The following CNTN5 variants were observed in gnomAD, a reference collection of about 807,000 sequenced individuals.
CNTN5 encodes contactin-5.
CNTN5 carries 77 observed loss-of-function variants against 129.1 expected under a neutral mutation model. The observed-to-expected ratio is 0.60, with a 90% CI of 0.50 to 0.72. CNTN5 has a LOEUF of 0.72. Ranked by LOEUF, CNTN5 falls within the 30% of genes least tolerant of loss-of-function variation. The probability of loss-of-function intolerance (pLI) is 0.00; values close to 1 mark genes in which losing one functional copy is unlikely to be tolerated. For missense variants in CNTN5, 1,478 were observed against 1,328.8 expected (o/e 1.11, Z -1.75); for synonymous variants, 509 against 465.6 (o/e 1.09, Z -1.20).
chr11:99,377,416 C>A (rs1940250682), intron 2 of CNTN5, among the ~76,000 whole-genome samples: 1 of 151,734 alleles, frequency 6.6e-6, no homozygotes, highest in African/African-American at 2.4e-5. Flanking sequence ...TTTGTTATTT[C>A]TTTTGTATTT....
At chr11:99,132,719 A>C (rs1268610597) in intron 1 of CNTN5, among the ~76,000 whole-genome samples, 1 of 152,152 alleles carries the variant, frequency 6.6e-6, no homozygotes, top group Non-Finnish European at 1.5e-5. Flanking sequence ...ACCTCTTCAA[A>C]GAGAACTGCA....
chr11:100,316,462 A>G (rs1259033003), intron 21 of CNTN5, among the ~76,000 whole-genome samples: 3 of 152,186 alleles, frequency 2.0e-5, no homozygotes, highest in Non-Finnish European at 4.4e-5. Flanking sequence ...TCTCGTGTCT[A>G]TAATTACCCC....
At chr11:100,160,338 G>T (rs111677020) in intron 13 of CNTN5, among the ~76,000 whole-genome samples, 22,737 of 151,912 alleles carry the variant, frequency 0.15, 2,198 homozygotes, top group South Asian at 0.27. Flanking sequence ...CATTTGGGTT[G>T]GTGCCAAGTC....
intron 1 of CNTN5, among the ~76,000 whole-genome samples, chr11:99,149,964 A>C (rs1049060761): frequency 6.6e-6 from 1 of 152,132 alleles, no homozygotes; most frequent in East Asian, 1.9e-4. Flanking sequence ...CTATTCACTT[A>C]GATCTTTAGA....
At chr11:99,929,720 A>C (rs1477794183) in intron 7 of CNTN5, among the ~76,000 whole-genome samples, 1 of 152,148 alleles carries the variant, frequency 6.6e-6, no homozygotes, top group Non-Finnish European at 1.5e-5. Flanking sequence ...ATTATCCTCC[A>C]CTGGTTCCCT....
At chr11:99,169,236 G>A (rs758275760) in intron 1 of CNTN5, among the ~76,000 whole-genome samples, 2 of 152,070 alleles carry the variant, frequency 1.3e-5, no homozygotes, top group African/African-American at 2.4e-5. Context: ...AGTTATGGCA[G>A]GCTTCCAGAG....
At chr11:99,320,573 G>A (rs1040294325) in intron 1 of CNTN5, among the ~76,000 whole-genome samples, 16 of 152,172 alleles carry the variant, frequency 1.1e-4, no homozygotes, top group African/African-American at 3.9e-4. Context: ...CAACACTTAA[G>A]AACCTTCTAA....
intron 16 of CNTN5, among the ~76,000 whole-genome samples, chr11:100,231,536 G>T (rs1446226431): frequency 6.6e-6 from 1 of 152,142 alleles, no homozygotes; most frequent in Non-Finnish European, 1.5e-5. Flanking sequence ...TAGACTAACA[G>T]AGTTCCAAGT....
intron 9 of CNTN5, among the ~76,000 whole-genome samples, chr11:100,028,628 G>T (rs1381413739): frequency 5.3e-5 from 8 of 152,110 alleles, no homozygotes; most frequent in Non-Finnish European, 1.0e-4. Context: ...ATCCAAGTAT[G>T]CTTGCATTCT....
chr11:99,869,630 G>T (rs1321517070), intron 6 of CNTN5, among the ~76,000 whole-genome samples: 1 of 152,036 alleles, frequency 6.6e-6, no homozygotes, highest in Non-Finnish European at 1.5e-5. Context: ...CATTTCTTCA[G>T]ATTACACACC....
intron 8 of CNTN5, among the ~76,000 whole-genome samples, chr11:99,992,295 A>G (rs1268693578): frequency 6.6e-6 from 1 of 152,194 alleles, no homozygotes; most frequent in Non-Finnish European, 1.5e-5. Flanking sequence ...TCAGAACAAG[A>G]CCTTCAGCCA....
chr11:99,332,755 C>G (rs1015347291), intron 2 of CNTN5, among the ~76,000 whole-genome samples: 1 of 151,960 alleles, frequency 6.6e-6, no homozygotes, highest in Non-Finnish European at 1.5e-5. Context: ...CAGAAAACCC[C>G]TGCAGCTAAT....
intron 2 of CNTN5, among the ~76,000 whole-genome samples, chr11:99,373,063 G>A (rs113991202): frequency 2.2e-5 from 2 of 91,644 alleles, no homozygotes; most frequent in Non-Finnish European, 6.3e-5. Context: ...ACAAAAATTA[G>A]CGGGGCATGG....
intron 13 of CNTN5, among the ~76,000 whole-genome samples, chr11:100,106,013 G>T (rs1415200092): frequency 2.0e-5 from 3 of 152,080 alleles, no homozygotes; most frequent in Non-Finnish European, 4.4e-5. Flanking sequence ...TTAAAAGTTA[G>T]CCCTCAGATC....
intron 4 of CNTN5, among the ~76,000 whole-genome samples, chr11:99,822,854 G>A (rs1946843139): frequency 6.6e-6 from 1 of 152,214 alleles, no homozygotes; most frequent in Non-Finnish European, 1.5e-5. Context: ...AATGGGATAT[G>A]ACTCCCAACA....
chr11:100,014,792 T>C (rs985190664), intron 9 of CNTN5, among the ~76,000 whole-genome samples: 3 of 152,062 alleles, frequency 2.0e-5, no homozygotes, highest in Admixed American at 2.0e-4. Context: ...TTTATTTGAT[T>C]GTTGACTCCA....
chr11:100,353,008 T>C (rs1952449961), intron 24 of CNTN5, among the ~76,000 whole-genome samples: 1 of 151,602 alleles, frequency 6.6e-6, no homozygotes. Context: ...GGGTTAGGTA[T>C]TTTATTCTTC....
At chr11:99,123,433 G>T (rs1858458994) in intron 1 of CNTN5, among the ~76,000 whole-genome samples, 1 of 151,906 alleles carries the variant, frequency 6.6e-6, no homozygotes, top group African/African-American at 2.4e-5. Context: ...TATAGATTCT[G>T]AATATTAGAC....
intron 1 of CNTN5, among the ~76,000 whole-genome samples, chr11:99,175,351 G>A (rs1857722168): frequency 6.6e-6 from 1 of 152,170 alleles, no homozygotes; most frequent in African/African-American, 2.4e-5. Flanking sequence ...TGAAAATGAA[G>A]AGAGAAGAAA....
Sources: gnomAD v4.1 joint callset for allele counts (sites outside exome capture counted in the v4.1 genomes callset) on GRCh38, gnomAD v4.1.1 for gene constraint, MANE v1.5 for transcripts, NCBI Gene and HGNC (gene_info 2026-07-23, HGNC 2026-07-21) for gene names.